Variants in SLC7A11 observed in about 807,000 individuals in gnomAD.
SLC7A11 encodes solute carrier family 7 member 11, also known as cystine/glutamate transporter.
Under a neutral mutation model 54.5 loss-of-function variants are expected in SLC7A11, and 35 were observed. The observed-to-expected ratio is 0.64, with a 90% CI of 0.49 to 0.85. The LOEUF (loss-of-function observed/expected upper bound fraction) is 0.85. Among genes scored for constraint, SLC7A11 ranks in the 40% least tolerant of loss-of-function variants. The pLI is 0.00. For synonymous variants in SLC7A11, 230 were observed against 225.2 expected (o/e 1.02, Z -0.19); for missense variants, 583 against 618.1 (o/e 0.94, Z 0.60).
intron 1 of SLC7A11, among the ~76,000 whole-genome samples, chr4:138,240,383 G>A (rs570196663): frequency 1.3e-5 from 2 of 152,008 alleles, no homozygotes; most frequent in South Asian, 4.2e-4. Flanking sequence ...TGGCTAACAT[G>A]GTGAAACCCC....
chr4:138,196,371 A>G (rs1018809402), intron 6 of SLC7A11, among the ~76,000 whole-genome samples: 7 of 152,310 alleles, frequency 4.6e-5, no homozygotes, highest in African/African-American at 9.6e-5. Context: ...AAACCAGCCA[A>G]TGAAAAATAG....
At chr4:138,215,330 T>C (rs573192889) in intron 5 of SLC7A11, among the ~76,000 whole-genome samples, 2 of 152,270 alleles carry the variant, frequency 1.3e-5, no homozygotes, top group South Asian at 4.2e-4. Flanking sequence ...CACAGATTCA[T>C]AGGTACAAAT....
intron 6 of SLC7A11, among the ~76,000 whole-genome samples, chr4:138,209,279 G>C (rs1020918079): frequency 2.0e-5 from 3 of 151,928 alleles, no homozygotes; most frequent in Non-Finnish European, 4.4e-5. Context: ...CCAGCTGCCA[G>C]AAAGTTGCAT....
chr4:138,232,296 G>GC lies in SLC7A11; in HGVS notation c.490dup (p.Ala164GlyfsTer18). 1 of 1,611,488 alleles carries GC rather than the reference G, an allele frequency of 6.2e-7. No homozygotes were observed. Among genetic ancestry groups the GC allele is most frequent in the Non-Finnish European group, 8.5e-7 (1 of 1,177,710 alleles). On this transcript the variant is annotated frameshift_variant, in exon 3 of 12. Transcript: ENST00000280612. LOFTEE classifies it high-confidence loss of function. ...GCCCACAGCTGTAATGAGCTTGATC[G>GC]CAAGTTCAGGGATTTCACATTGAAT...
intron 6 of SLC7A11, among the ~76,000 whole-genome samples, chr4:138,202,718 C>G (rs756315079): frequency 1.3e-5 from 2 of 152,078 alleles, no homozygotes; most frequent in Non-Finnish European, 2.9e-5. Flanking sequence ...TCCACCATTT[C>G]TTTTTTGCAG....
chr4:138,167,524 T>C lies in SLC7A11; in HGVS notation c.*4432A>G, dbSNP rs1173994273. 6.6e-6 allele frequency: 1 copy of C among 152,156 alleles called. No individual in the cohort carries two copies. Among genetic ancestry groups the C allele is most frequent in the Non-Finnish European group, 1.5e-5 (1 of 68,018 alleles). 9.4% of individuals were successfully genotyped at this position (152,156 alleles called of 1,614,324 possible). On this transcript the variant is annotated 3_prime_UTR_variant, in exon 12 of 12. Coordinates refer to ENST00000280612, the MANE Select transcript of SLC7A11 (RefSeq NM_014331.4). ...CTAGAGATCACACTTTTAGATATTA[T>C]CTATTTTAACATAGATTAAAAATAC...
rs1738402680 is a variant in SLC7A11, at chr4:138,242,311, G to A, written c.-242C>T. The A allele has an allele frequency of 1.3e-5, 5 of 392,802 alleles. No individual in the cohort carries two copies. The highest frequency in any genetic ancestry group is 1.4e-5 in the Non-Finnish European group (3 of 211,980). 24.3% of individuals were successfully genotyped at this position (392,802 alleles called of 1,614,324 possible). Reference sequence around the variant, plus strand: ...TTCTCCACCTCCTCGTTCCACCACTGCTGCTGCTGCTGCTGCTGCCGCCCT... The same window carrying A: ...TTCTCCACCTCCTCGTTCCACCACTACTGCTGCTGCTGCTGCTGCCGCCCT... On this transcript the variant is annotated 5_prime_UTR_variant, in exon 1 of 12. The change creates a premature stop within an existing upstream ORF in the 5' untranslated region. Transcript: ENST00000280612.
At chr4:138,181,580 G>A (rs1487597231) in intron 9 of SLC7A11, among the ~76,000 whole-genome samples, 4 of 151,796 alleles carry the variant, frequency 2.6e-5, no homozygotes, top group African/African-American at 4.8e-5. Context: ...CAAATTAAAT[G>A]CATGAAAAAA....
intron 5 of SLC7A11, among the ~76,000 whole-genome samples, chr4:138,216,540 G>GA (rs1737685543): frequency 6.6e-6 from 1 of 152,114 alleles, no homozygotes; most frequent in African/African-American, 2.4e-5. Context: ...TGTGTGACCT[G>GA]ACTGGGTTAA....
At chr4:138,216,068 C>A (rs185390638) in intron 5 of SLC7A11, among the ~76,000 whole-genome samples, 1 of 152,284 alleles carries the variant, frequency 6.6e-6, no homozygotes, top group East Asian at 1.9e-4. Context: ...GGAAATCCAC[C>A]TTTACGTTCT....
intron 6 of SLC7A11, among the ~76,000 whole-genome samples, chr4:138,199,858 T>C (rs935679256): frequency 6.6e-6 from 1 of 152,150 alleles, no homozygotes; most frequent in African/African-American, 2.4e-5. Context: ...AAAGACATCA[T>C]TGAGTTCAAT....
intron 3 of SLC7A11, among the ~76,000 whole-genome samples, chr4:138,225,627 T>A (rs1737930359): frequency 6.6e-6 from 1 of 152,130 alleles, no homozygotes; most frequent in Admixed American, 6.6e-5. Context: ...ATCCAGTGAT[T>A]CCTTTCCTTT....
At chr4:138,238,494 G>T (rs1261877350) in intron 1 of SLC7A11, among the ~76,000 whole-genome samples, 1 of 152,038 alleles carries the variant, frequency 6.6e-6, no homozygotes, top group Non-Finnish European at 1.5e-5. Flanking sequence ...AGACAGAACT[G>T]CTCAATATAA....
At chr4:138,176,258 G>C (rs1736568228) in intron 11 of SLC7A11, 1 of 152,082 alleles carries the variant, frequency 6.6e-6, no homozygotes, top group Non-Finnish European at 1.5e-5. Flanking sequence ...CACTTTCAAG[G>C]CAGCTATAAA....
intron 10 of SLC7A11, 113 bp from the exon 11 acceptor site, chr4:138,179,507 C>T (rs1357421503): frequency 7.0e-6 from 6 of 862,984 alleles, no homozygotes; most frequent in African/African-American, 1.7e-5. Flanking sequence ...TGTAGTCATG[C>T]GACCAGGTAA....
intron 6 of SLC7A11, among the ~76,000 whole-genome samples, chr4:138,208,601 C>T (rs1328101520): frequency 1.3e-5 from 2 of 152,018 alleles, no homozygotes; most frequent in Admixed American, 1.3e-4. Flanking sequence ...AACAAATGTA[C>T]ACAGTAGCAA....
At chr4:138,200,861 G>A (rs1456461009) in intron 6 of SLC7A11, among the ~76,000 whole-genome samples, 1 of 152,142 alleles carries the variant, frequency 6.6e-6, no homozygotes, top group East Asian at 1.9e-4. Context: ...TAACCAAGTA[G>A]AGAACTCTTT....
rs1261672769 is a variant in SLC7A11, at chr4:138,167,846, C to T, written c.*4110G>A. The T allele has an allele frequency of 1.3e-5, 2 of 152,058 alleles. No individual in the cohort carries two copies. The highest frequency in any genetic ancestry group is 2.9e-5 in the Non-Finnish European group (2 of 68,002). The allele number at this position is 152,058 out of a possible 1,614,324, so 9.4% of individuals were successfully genotyped here. On this transcript the variant is annotated 3_prime_UTR_variant, in exon 12 of 12. Coordinates refer to ENST00000280612, the MANE Select transcript of SLC7A11 (RefSeq NM_014331.4). ...AAATGTCTTTCATGGGCATTCAAAT[C>T]CCACATCTCTCTATATTTCTTTCCC...
intron 4 of SLC7A11, among the ~76,000 whole-genome samples, chr4:138,220,271 C>T (rs1467334131): frequency 6.6e-6 from 1 of 151,976 alleles, no homozygotes; most frequent in Non-Finnish European, 1.5e-5. Context: ...TTTTCTTTAT[C>T]TATAAGTTAA....
Sources: allele counts gnomAD v4.1 joint callset (sites outside exome capture counted in the v4.1 genomes callset), GRCh38; gene constraint gnomAD v4.1.1; transcripts MANE v1.5; gene names NCBI Gene and HGNC (gene_info 2026-07-23, HGNC 2026-07-21).